DIXDC1: variants seen among roughly 807,000 people sequenced by gnomAD.
DIXDC1 encodes the protein DIX domain containing 1.
DIXDC1 carries 64 observed loss-of-function variants against 103.1 expected under a neutral mutation model. The observed-to-expected ratio is 0.62, with a 90% CI of 0.51 to 0.76. The LOEUF is 0.76. Among genes scored for constraint, DIXDC1 ranks in the 30% least tolerant of loss-of-function variants. The pLI is 0.00. For missense variants in DIXDC1, 759 were observed against 834.2 expected (o/e 0.91, Z 1.11); for synonymous variants, 266 against 298.5 (o/e 0.89, Z 1.12).
intron 14 of DIXDC1, among the ~76,000 whole-genome samples, chr11:111,994,192 G>A (rs1382020671): frequency 1.3e-5 from 2 of 152,094 alleles, no homozygotes; most frequent in Non-Finnish European, 2.9e-5. Context: ...TTTGAGACCA[G>A]CCTGGCCAAT....
At chr11:112,000,988 T>C (rs587703224) in intron 17 of DIXDC1, among the ~76,000 whole-genome samples, 2 of 152,218 alleles carry the variant, frequency 1.3e-5, no homozygotes, top group African/African-American at 4.8e-5. Flanking sequence ...CAAAAAAACT[T>C]GTACATCTAT....
rs587737607 is a variant in DIXDC1 at position 112,019,284 on chromosome 11, A to G, written c.*248A>G. The G allele has an allele frequency of 6.0e-6, 2 of 333,346 alleles. No individual in the cohort carries two copies. Among genetic ancestry groups the G allele is most frequent in the East Asian group, 4.9e-5 (1 of 20,454 alleles). The allele number at this position is 333,346 out of a possible 1,614,324, so 20.6% of individuals were successfully genotyped here. On this transcript the variant is annotated 3_prime_UTR_variant, in exon 20 of 20. Transcript: ENST00000440460. ...CTTGTCCGTGGGAACACAGTGTTCT[A>G]TTCTACTCTGAGGACAACAAACCGA...
intron 17 of DIXDC1, chr11:112,016,121 T>TAA (rs374652896): frequency 1.1e-4 from 15 of 142,450 alleles, no homozygotes; most frequent in African/African-American, 3.1e-4. Flanking sequence ...GACCCTGTCT[T>TAA]AAAAAAAAAA....
chr11:111,935,145 A>G (rs1413525055), upstream of DIXDC1, among the ~76,000 whole-genome samples: 1 of 152,164 alleles, frequency 6.6e-6, no homozygotes, highest in African/African-American at 2.4e-5. Flanking sequence ...ATTCACTACA[A>G]TTCTCTCTTA....
rs587695300 is a variant in DIXDC1, at chr11:112,001,802, G to T, written c.1756+5656G>T. Among the ~76,000 whole-genome samples, 6 of 150,828 alleles carry T rather than the reference G, an allele frequency of 4.0e-5. No homozygotes were observed. The South Asian group carries it at 1.3e-3, about 32-fold the overall frequency. ...ACGGAGTCTTGGTTTTGTTGCCCAG[G>T]CTGGAGTGCAATGACACGATCTCAG... On this transcript the variant is annotated intron_variant, in intron 17 of 19. Transcript: ENST00000440460.
At chr11:112,002,876 A>G (rs1861112903) in intron 17 of DIXDC1, among the ~76,000 whole-genome samples, 1 of 152,250 alleles carries the variant, frequency 6.6e-6, no homozygotes, top group South Asian at 2.1e-4. Flanking sequence ...AAAAAAATAT[A>G]TATATGCAAA....
At chr11:112,006,148 C>T (rs960753426) in intron 17 of DIXDC1, among the ~76,000 whole-genome samples, 2 of 152,070 alleles carry the variant, frequency 1.3e-5, no homozygotes, top group Non-Finnish European at 1.5e-5. Context: ...GTGCCTGGCT[C>T]GGTGGTTCCC....
At chr11:111,993,439 G>A in intron 12 of DIXDC1, 57 bp from the exon 13 acceptor site, 1 of 1,591,684 alleles carries the variant, frequency 6.3e-7, no homozygotes, top group Non-Finnish European at 8.6e-7. Flanking sequence ...TGCAGAGGGT[G>A]AACTTTTCAG....
intron 17 of DIXDC1, among the ~76,000 whole-genome samples, chr11:112,013,327 T>TGGGGGGGGGGGGGGGGGG (rs1405183599): frequency 2.0e-5 from 1 of 49,924 alleles, no homozygotes; most frequent in Non-Finnish European, 4.1e-5. Flanking sequence ...GGGGTGGGGG[T>TGGGGGGGGGGGGGGGGGG]GGGGTGGGGG....
At chr11:111,980,257 G>A (rs1860253781) in intron 5 of DIXDC1, among the ~76,000 whole-genome samples, 1 of 152,168 alleles carries the variant, frequency 6.6e-6, no homozygotes, top group South Asian at 2.1e-4. Flanking sequence ...GAGCTGATCT[G>A]CCATGATAAC....
At chr11:111,946,094 G>A (rs186987359) in intron 1 of DIXDC1, among the ~76,000 whole-genome samples, 25 of 150,516 alleles carry the variant, frequency 1.7e-4, no homozygotes, top group Middle Eastern at 3.5e-3. Context: ...CTGCCACCAC[G>A]CCCGGCTAAT....
At chr11:112,016,627 A>G (rs1261229698) in intron 17 of DIXDC1, 64 bp from the exon 18 acceptor site, 11 of 1,391,286 alleles carry the variant, frequency 7.9e-6, no homozygotes, top group Non-Finnish European at 1.1e-5. Flanking sequence ...GACACTTTGA[A>G]TAACTGCAGA....
chr11:111,999,929 A>T (rs1861015013), intron 17 of DIXDC1, among the ~76,000 whole-genome samples: 1 of 152,194 alleles, frequency 6.6e-6, no homozygotes, highest in African/African-American at 2.4e-5. Context: ...TGAGGTCAGG[A>T]GTTCGAAACC....
At chr11:111,941,866 A>ACACACACC (rs1566459683) in intron 1 of DIXDC1, among the ~76,000 whole-genome samples, 1 of 151,782 alleles carries the variant, frequency 6.6e-6, no homozygotes, top group Non-Finnish European at 1.5e-5. Context: ...ACACACACAC[A>ACACACACC]CACACACCCA....
intron 1 of DIXDC1, among the ~76,000 whole-genome samples, chr11:111,950,142 A>G (rs1167737518): frequency 6.6e-6 from 1 of 152,020 alleles, no homozygotes; most frequent in Non-Finnish European, 1.5e-5. Context: ...CAATTTTACA[A>G]GCTCAAAGAT....
chr11:111,974,746 C>T, intron 4 of DIXDC1, 130 bp from the exon 5 acceptor site: 2 of 1,466,926 alleles, frequency 1.4e-6, no homozygotes, highest in East Asian at 2.5e-5. Flanking sequence ...TACCAAGTGT[C>T]TTTGAGGCAG....
chr11:111,992,815 C>A, intron 11 of DIXDC1, 136 bp from the exon 12 acceptor site: 1 of 881,678 alleles, frequency 1.1e-6, no homozygotes, highest in Non-Finnish European at 1.7e-6. Flanking sequence ...TGGAGAGCAG[C>A]TGTGTATTTT....
intron 7 of DIXDC1, among the ~76,000 whole-genome samples, chr11:111,983,176 GA>G: frequency 6.6e-6 from 1 of 152,190 alleles, no homozygotes; most frequent in East Asian, 1.9e-4. Flanking sequence ...AATTGCCTAG[GA>G]ATATTCCTTT....
At chr11:111,933,725 G>A (rs1966110261), upstream of DIXDC1, among the ~76,000 whole-genome samples, 2 of 144,024 alleles carry the variant, frequency 1.4e-5, no homozygotes, top group Non-Finnish European at 3.0e-5. Context: ...ATTATTCCAA[G>A]GGTCATTTAA....
Sources: allele counts gnomAD v4.1 joint callset (sites outside exome capture counted in the v4.1 genomes callset), GRCh38; gene constraint gnomAD v4.1.1; transcripts MANE v1.5; gene names NCBI Gene and HGNC (gene_info 2026-07-23, HGNC 2026-07-21).